Variants in NAV1 observed in about 807,000 individuals in gnomAD.
NAV1 encodes the protein pore membrane and/or filament interacting like protein 3.
NAV1 carries 18 observed loss-of-function variants against 175.2 expected under a neutral mutation model. The observed-to-expected ratio is 0.10, with a 90% CI of 0.07 to 0.15. The LOEUF is 0.15. Among genes scored for constraint, NAV1 ranks in the 10% least tolerant of loss-of-function variants. The probability of loss-of-function intolerance (pLI) is 1.00; values close to 1 mark genes in which losing one functional copy is unlikely to be tolerated. For missense variants in NAV1, 1,731 were observed against 2,436.6 expected, an observed-to-expected ratio of 0.71 and a Z score of 6.10; for synonymous variants, 897 against 978.7, an observed-to-expected ratio of 0.92 and a Z score of 1.56.
At chr1:201,726,078 T>C (rs1470042969) in intron 3 of NAV1, among the ~76,000 whole-genome samples, 1 of 152,216 alleles carries the variant, frequency 6.6e-6, no homozygotes, top group Admixed American at 6.5e-5. Flanking sequence ...GAAGATAATA[T>C]CTAACAATTA....
At chr1:201,800,338 C>G (rs1194346914) in intron 15 of NAV1, among the ~76,000 whole-genome samples, 1 of 152,178 alleles carries the variant, frequency 6.6e-6, no homozygotes, top group Non-Finnish European at 1.5e-5. Context: ...TTCAATTAAA[C>G]TAATTCTTAT....
intron 16 of NAV1, among the ~76,000 whole-genome samples, chr1:201,804,226 T>C (rs113011298): frequency 2.6e-4 from 39 of 152,308 alleles, no homozygotes; most frequent in African/African-American, 9.4e-4. Context: ...TTTTTTTCTC[T>C]TGCATAATCC....
chr1:201,563,452 G>A (rs1380298043), intron 1 of NAV1, among the ~76,000 whole-genome samples: 1 of 151,762 alleles, frequency 6.6e-6, no homozygotes, highest in African/African-American at 2.4e-5. Context: ...GACACTGCTT[G>A]GTGGGGTACC....
exon 7 of NAV1, chr1:201,783,798 A>G (rs763097188): frequency 6.2e-7 from 1 of 1,614,006 alleles, no homozygotes; most frequent in East Asian, 2.2e-5. Context: ...CCCACAGAAG[A>G]AGAGACGGAA....
intron 1 of NAV1, among the ~76,000 whole-genome samples, chr1:201,544,758 G>T (rs1381984015): frequency 1.3e-5 from 2 of 152,226 alleles, no homozygotes; most frequent in East Asian, 3.8e-4. Context: ...ATTGCCTACA[G>T]AGTGTCAGCC....
chr1:201,615,267 C>A (rs202156260), intron 2 of NAV1, among the ~76,000 whole-genome samples: 8 of 141,974 alleles, frequency 5.6e-5, no homozygotes, highest in African/African-American at 8.1e-5. Flanking sequence ...TTCTTTCTTT[C>A]TTTTTTTTTT....
chr1:201,754,693 A>G (rs559040619), intron 3 of NAV1, among the ~76,000 whole-genome samples: 3 of 152,340 alleles, frequency 2.0e-5, no homozygotes, highest in South Asian at 2.1e-4. Flanking sequence ...CAAACTAGAC[A>G]TAACTATCTC....
intron 2 of NAV1, among the ~76,000 whole-genome samples, chr1:201,611,024 G>A (rs189450238): frequency 3.9e-5 from 6 of 152,186 alleles, no homozygotes; most frequent in African/African-American, 1.4e-4. Flanking sequence ...TCAGAGCCAG[G>A]AGCCAGCCAG....
chr1:201,670,504 C>G (rs1669998224), intron 1 of NAV1, among the ~76,000 whole-genome samples: 1 of 150,818 alleles, frequency 6.6e-6, no homozygotes, highest in African/African-American at 2.4e-5. Context: ...CCTGAGCAGG[C>G]AGATGTGGTG....
At chr1:201,669,798 G>A (rs1020047208) in intron 1 of NAV1, among the ~76,000 whole-genome samples, 9 of 152,084 alleles carry the variant, frequency 5.9e-5, no homozygotes, top group Non-Finnish European at 1.3e-4. Context: ...GCTCCAGGGA[G>A]GGAGCTGAAG....
At chr1:201,587,923 A>G (rs1048060612) in intron 1 of NAV1, among the ~76,000 whole-genome samples, 96 of 152,344 alleles carry the variant, frequency 6.3e-4, no homozygotes, top group African/African-American at 1.9e-3. Context: ...ACAAGTGTTG[A>G]CAAGGATGTG....
intron 1 of NAV1, among the ~76,000 whole-genome samples, chr1:201,563,942 A>T (rs1666278568): frequency 6.6e-6 from 1 of 152,064 alleles, no homozygotes; most frequent in Non-Finnish European, 1.5e-5. Flanking sequence ...CAAGAAATTT[A>T]AAAAATTAGC....
At chr1:201,593,354 G>A (rs1667259625) in intron 2 of NAV1, among the ~76,000 whole-genome samples, 1 of 152,194 alleles carries the variant, frequency 6.6e-6, no homozygotes, top group South Asian at 2.1e-4. Context: ...TCTCCCATGG[G>A]AAAGGCTAAC....
At chr1:201,778,922 T>A (rs1676124100) in intron 3 of NAV1, among the ~76,000 whole-genome samples, 1 of 152,254 alleles carries the variant, frequency 6.6e-6, no homozygotes, top group South Asian at 2.1e-4. Flanking sequence ...CTTTTAGTCC[T>A]TGCATATATG....
intron 15 of NAV1, chr1:201,796,623 AG>A (rs1173822636): frequency 2.3e-4 from 2 of 8,778 alleles, no homozygotes; most frequent in African/African-American, 2.4e-4. Context: ...CCACACACCC[AG>A]CCCTTATAGC....
Position 201,810,128 on chromosome 1 carries a change from G to A in NAV1, c.4561+23G>A, listed in dbSNP as rs978659959. 8.1e-5 allele frequency: 130 copies of A among 1,611,380 alleles called. No individual in the cohort carries two copies. The highest frequency in any genetic ancestry group is 1.1e-4 in the Non-Finnish European group (127 of 1,178,172). On this transcript the variant is annotated intron_variant, in intron 23 of 29. Transcript: ENST00000367296. The surrounding 1 kb of genome is among the most constrained non-coding windows in gnomAD (Gnocchi z 6.0). ...AAGGTCAGTCTTTGTCTCTTGGGGT[G>A]AGGTGGTGTGGCATGAAGGCAGGGA...
chr1:201,736,393 C>T lies in NAV1; in HGVS notation c.1226+17638C>T, dbSNP rs575436941. Among the ~76,000 whole-genome samples the T allele has an allele frequency of 3.3e-5, 5 of 152,302 alleles. No homozygotes were observed. In the South Asian group the frequency reaches 1.0e-3, roughly 32 times the overall value. Reference sequence around the variant, plus strand: ...CACCAAACTGCTTCTCAAGTCTTTCCCTTTTTTTCTTACCCCATTCTAACC... The same window carrying T: ...CACCAAACTGCTTCTCAAGTCTTTCTCTTTTTTTCTTACCCCATTCTAACC... On this transcript the variant is annotated intron_variant, in intron 3 of 29. Transcript: ENST00000367296.
At chr1:201,683,908 G>A (rs1670568204) in intron 1 of NAV1, among the ~76,000 whole-genome samples, 1 of 151,814 alleles carries the variant, frequency 6.6e-6, no homozygotes, top group Non-Finnish European at 1.5e-5. Flanking sequence ...CTTCTTTATG[G>A]GAGATTTGTC....
Position 201,718,659 on chromosome 1 carries a change from C to A in NAV1, c.1130C>A (p.Ser377Tyr), listed in dbSNP as rs1672239133. 1 of 1,614,068 alleles carries A rather than the reference C, an allele frequency of 6.2e-7. No individual in the cohort carries two copies. The highest frequency in any genetic ancestry group is 8.5e-7 in the Non-Finnish European group (1 of 1,180,044). ...ATCTCCCGCCTGGAGCTGGTCGAAT[C>A]CCTGGACTCGGATGAGGTGGACCTC... is the stretch of plus-strand genomic sequence containing the variant. The change falls in exon 3 of 30, where the codon TCC becomes TAC. Residue 377 changes from serine (S) to tyrosine (Y), a missense_variant. Ser to Tyr is a moderately radical substitution (Grantham distance 144). Around this residue, in one of 13 missense-constraint regions of NAV1, gnomAD observed 487 missense variants for 581.3 expected, o/e 0.84. Transcript: ENST00000367296. The surrounding 1 kb of genome is among the most constrained non-coding windows in gnomAD (Gnocchi z 4.8).
Sources: allele counts gnomAD v4.1 joint callset (sites outside exome capture counted in the v4.1 genomes callset), GRCh38; gene constraint gnomAD v4.1.1; regional missense constraint gnomAD v4.1.1; non-coding constraint Gnocchi (gnomAD v3.1); transcripts MANE v1.5; gene names NCBI Gene and HGNC (gene_info 2026-07-23, HGNC 2026-07-21).